The following LRRC3C variants were observed in gnomAD, a reference collection of about 807,000 sequenced individuals.
The protein encoded by LRRC3C is leucine-rich repeat-containing protein 3C.
Under a neutral mutation model 14.8 loss-of-function variants are expected in LRRC3C, and 11 were observed. The ratio of observed to expected loss-of-function variants is 0.74; its 90% CI spans 0.47 to 1.23. The LOEUF (loss-of-function observed/expected upper bound fraction) is 1.23, where lower values mean the gene tolerates loss of function less well. LRRC3C is among the 50% of genes most tolerant of loss of function. The probability of loss-of-function intolerance (pLI) is 0.00; values close to 1 mark genes in which losing one functional copy is unlikely to be tolerated. For missense variants in LRRC3C, 354 were observed against 361.8 expected (o/e 0.98, Z 0.18); for synonymous variants, 149 against 161.5 (o/e 0.92, Z 0.59).
intron 1 of LRRC3C, chr17:39,929,345 A>G (rs1251410346): frequency 6.6e-6 from 1 of 152,230 alleles, no homozygotes; most frequent in Non-Finnish European, 1.5e-5. Flanking sequence ...CATGTCATGC[A>G]CTATTAATAA....
At position 39,941,349 on chromosome 17, in the gene LRRC3C, TAAAAAAAAA is replaced by T. The variant is rs11344927; in HGVS notation, c.-81-81_-81-73del. On this transcript the variant is annotated intron_variant, in intron 2 of 3. Coordinates refer to ENST00000377924, the MANE Select transcript of LRRC3C (RefSeq NM_001195545.2). ...CTGGGCCACAGAGTGAGACTTTATCTAAAAAAAAAAAAAAAAAAAAAGGAAGAAATTCTT... is the reference window on the plus strand; with the variant it reads ...CTGGGCCACAGAGTGAGACTTTATCTAAAAAAAAAAAAGGAAGAAATTCTT... The T allele has an allele frequency of 4.9e-3, 1,313 of 269,926 alleles. 26 individuals are homozygous for T. The highest frequency in any genetic ancestry group is 0.036 in the African/African-American group (1,142 of 31,436). 16.7% of individuals were successfully genotyped at this position (269,926 alleles called of 1,614,324 possible).
chr17:39,937,034 G>C (rs541961830), intron 2 of LRRC3C, among the ~76,000 whole-genome samples: 1 of 152,212 alleles, frequency 6.6e-6, no homozygotes, highest in African/African-American at 2.4e-5. Flanking sequence ...CTACTCAGGA[G>C]GCTGAGGTAG....
chr17:39,932,697 G>T (rs890164715), intron 1 of LRRC3C, among the ~76,000 whole-genome samples: 1 of 151,640 alleles, frequency 6.6e-6, no homozygotes, highest in Non-Finnish European at 1.5e-5. Flanking sequence ...ATTCGAGGCT[G>T]CAGTGAGTTA....
chr17:39,935,840 G>A lies in LRRC3C; in HGVS notation c.-136G>A, dbSNP rs573859194. On this transcript the variant is annotated 5_prime_UTR_variant, in exon 2 of 4. Coordinates refer to ENST00000377924, the MANE Select transcript of LRRC3C (RefSeq NM_001195545.2). ...CAGAGGCCTTTGTTGCCCTCTCCGC[G>A]AAACTGCCCAGTAACCTGGCATTAG... The A allele has an allele frequency of 7.1e-6, 7 of 985,404 alleles. No homozygotes were observed. The highest frequency in any genetic ancestry group is 9.4e-5 in the South Asian group (2 of 21,288). The allele number at this position is 985,404 out of a possible 1,614,324, so 61.0% of individuals were successfully genotyped here.
chr17:39,937,169 C>T (rs993848623), intron 2 of LRRC3C, among the ~76,000 whole-genome samples: 1 of 151,768 alleles, frequency 6.6e-6, no homozygotes, highest in Non-Finnish European at 1.5e-5. Flanking sequence ...GGCGCAGTGG[C>T]TCACGCCTGT....
intron 1 of LRRC3C, among the ~76,000 whole-genome samples, chr17:39,931,799 C>T (rs529255628): frequency 2.6e-5 from 4 of 151,658 alleles, no homozygotes; most frequent in South Asian, 2.1e-4. Context: ...TACAGGTGCA[C>T]GCCACCACAT....
chr17:39,944,252 G>A lies in LRRC3C; in HGVS notation c.346G>A (p.Ala116Thr). Residue 116 changes from alanine to threonine, a missense_variant, in exon 4 of 4, where the codon GCC becomes ACC. Transcript: ENST00000377924. ...EELDLSHNAL[A>T]HLSGAAFQGL... is the part of the protein sequence containing the mutation. ...GTTGGATCTGTCCCATAATGCCCTT[G>A]CCCACCTCTCAGGGGCGGCTTTCCA... 2 of 1,535,052 alleles carry A rather than the reference G, an allele frequency of 1.3e-6. No individual in the cohort carries two copies. The highest frequency in any genetic ancestry group is 1.7e-6 in the Non-Finnish European group (2 of 1,146,382).
intron 2 of LRRC3C, 75 bp downstream of exon 2, chr17:39,935,969 C>T (rs895927724): frequency 2.3e-6 from 2 of 857,510 alleles, no homozygotes; most frequent in Non-Finnish European, 2.8e-6. Flanking sequence ...TTTCAGTTAT[C>T]CCCCCATCCA....
At chr17:39,941,977 G>T (rs570372400) in intron 3 of LRRC3C, among the ~76,000 whole-genome samples, 2 of 152,310 alleles carry the variant, frequency 1.3e-5, no homozygotes, top group East Asian at 3.9e-4. Flanking sequence ...GGTTGGACTT[G>T]AGGGTCAAGG....
intron 1 of LRRC3C, 131 bp downstream of exon 1, chr17:39,927,945 C>A: frequency 1.2e-6 from 1 of 864,270 alleles, no homozygotes. Flanking sequence ...TAGACTGGAT[C>A]GAAACCCAAA....
rs781093278 is a variant in LRRC3C at position 39,944,052 on chromosome 17, C to T, written c.146C>T (p.Pro49Leu). 9.1e-5 allele frequency: 140 copies of T among 1,536,006 alleles called. 1 individual carries two copies. The highest frequency in any genetic ancestry group is 1.2e-4 in the Non-Finnish European group (133 of 1,146,900). ...GGTVPSPQVP[P>L]RGCYVAKEAG... Reference sequence around the variant, plus strand: ...ACTGTGCCCAGCCCCCAGGTGCCTCCCCGGGGCTGTTATGTGGCAAAGGAA... The same window carrying T: ...ACTGTGCCCAGCCCCCAGGTGCCTCTCCGGGGCTGTTATGTGGCAAAGGAA... Residue 49 changes from proline (P) to leucine (L), a missense_variant, in exon 4 of 4, where the codon CCC becomes CTC. Physicochemically the swap from Pro to Leu is moderately conservative, Grantham distance 98. Transcript: ENST00000377924.
intron 1 of LRRC3C, among the ~76,000 whole-genome samples, chr17:39,932,444 C>G (rs1248882406): frequency 2.6e-5 from 4 of 152,156 alleles, no homozygotes; most frequent in Non-Finnish European, 5.9e-5. Context: ...TGGCTCAAGC[C>G]TGTAATCCCA....
At chr17:39,942,764 G>A (rs924877599) in intron 3 of LRRC3C, among the ~76,000 whole-genome samples, 1 of 152,204 alleles carries the variant, frequency 6.6e-6, no homozygotes, top group South Asian at 2.1e-4. Flanking sequence ...GGGCCACCGA[G>A]CATGGAAGAA....
At chr17:39,942,528 A>AG (rs144007425) in intron 3 of LRRC3C, among the ~76,000 whole-genome samples, 64,137 of 151,938 alleles carry the variant, frequency 0.42, 13,918 homozygotes, top group East Asian at 0.58. Flanking sequence ...TAAAATCAGC[A>AG]GGAAAACTCA....
At chr17:39,940,614 A>T (rs1161175187) in intron 2 of LRRC3C, among the ~76,000 whole-genome samples, 2 of 147,264 alleles carry the variant, frequency 1.4e-5, no homozygotes, top group Non-Finnish European at 1.5e-5. Context: ...CATTTGGACA[A>T]TTTTTTTTTT....
At chr17:39,941,614 C>A in intron 3 of LRRC3C, 65 bp downstream of exon 3, 1 of 1,452,274 alleles carries the variant, frequency 6.9e-7, no homozygotes, top group Non-Finnish European at 9.3e-7. Context: ...CCTCTCTGAC[C>A]TGGCAGGAGG....
In LRRC3C at chr17:39,944,150, C is replaced by T. The variant is rs762801673; in HGVS notation, c.244C>T (p.Arg82Cys). The change falls in exon 4 of 4, where the codon CGC (arginine) becomes TGC (cysteine). Residue 82 changes from arginine (R) to cysteine (C), a missense_variant. Arg to Cys is a radical substitution (Grantham distance 180). Coordinates refer to ENST00000377924, the MANE Select transcript of LRRC3C (RefSeq NM_001195545.2). ...AVPSGIPNDTRKLYLDANQLA... is the reference protein window; with the variant it reads ...AVPSGIPNDTCKLYLDANQLA... Reference sequence around the variant, plus strand: ...GCCCTCCGGCATCCCCAATGACACCCGCAAGCTCTACCTGGATGCCAACCA... The same window carrying T: ...GCCCTCCGGCATCCCCAATGACACCTGCAAGCTCTACCTGGATGCCAACCA... 119 of 1,536,154 alleles carry T rather than the reference C, an allele frequency of 7.7e-5. No homozygotes were observed. The highest frequency in any genetic ancestry group is 5.0e-4 in the Middle Eastern group (3 of 6,012).
chr17:39,930,396 TAAAAAAAAAAAAAAAAAA>T (rs34932103), intron 1 of LRRC3C, among the ~76,000 whole-genome samples: 2 of 48,590 alleles, frequency 4.1e-5, no homozygotes, highest in Non-Finnish European at 8.4e-5. Flanking sequence ...AAACTGACTT[TAAAAAAAAAAAAAAAAAA>T]AAAAAAAAAA....
chr17:39,939,670 A>C (rs1447419735), intron 2 of LRRC3C: 1 of 152,306 alleles, frequency 6.6e-6, no homozygotes, highest in East Asian at 1.9e-4. Context: ...TCCTCACTGA[A>C]TGAATAAACA....
Sources: gnomAD v4.1 joint callset for allele counts (sites outside exome capture counted in the v4.1 genomes callset) on GRCh38, gnomAD v4.1.1 for gene constraint, MANE v1.5 for transcripts, NCBI Gene and HGNC (gene_info 2026-07-23, HGNC 2026-07-21) for gene names.